Variants in NFIC observed in about 807,000 individuals in gnomAD.
The protein encoded by NFIC is nuclear factor 1 C-type.
NFIC carries 12 observed loss-of-function variants against 54.4 expected under a neutral mutation model. The observed-to-expected ratio is 0.22, with a 90% CI of 0.14 to 0.36. NFIC has a LOEUF of 0.36. Among genes scored for constraint, NFIC ranks in the 10% least tolerant of loss-of-function variants. The pLI is 1.00. For missense variants in NFIC, 575 were observed against 718.2 expected, an observed-to-expected ratio of 0.80 and a Z score of 2.28; for synonymous variants, 322 against 319.2, an observed-to-expected ratio of 1.01 and a Z score of -0.09.
chr19:3,454,015 C>T, intron 9 of NFIC, 99 bp downstream of exon 9: 7 of 1,399,078 alleles, frequency 5.0e-6, no homozygotes, highest in Non-Finnish European at 6.5e-6. Flanking sequence ...AGGCCCGACC[C>T]TGCAGGGCCT....
intron 3 of NFIC, among the ~76,000 whole-genome samples, chr19:3,428,112 G>A (rs2082056350): frequency 6.6e-6 from 1 of 151,170 alleles, no homozygotes. Context: ...AGAGGTTGCA[G>A]TGAGCTGAGA....
Position 3,382,241 on chromosome 19 carries a change from G to T in NFIC, c.560G>T (p.Arg187Leu), listed in dbSNP as rs201011953. The T allele has an allele frequency of 5.0e-6, 8 of 1,599,682 alleles. No individual in the cohort carries two copies. In the South Asian group the frequency reaches 6.6e-5, roughly 13 times the overall value. ...TACCTGGCCTACTTCGTGCGTGAGC[G>T]AGGTGAGGTGTGGTGGCCTGAGCGG... ...DLYLAYFVRERDAEQSGSPRT... is the reference protein window; with the variant it reads ...DLYLAYFVRELDAEQSGSPRT... The change falls in exon 2 of 11, where the codon CGA becomes CTA. Residue 187 changes from arginine to leucine, a missense_variant and splice_region_variant. Around this residue, in one of 3 missense-constraint regions of NFIC, gnomAD observed 447 missense variants for 526.9 expected, o/e 0.85. Coordinates refer to ENST00000443272, the MANE Select transcript of NFIC (RefSeq NM_001245002.2).
chr19:3,360,473 TCGTGCG>T (rs2080796432), intron 1 of NFIC, among the ~76,000 whole-genome samples: 1 of 151,448 alleles, frequency 6.6e-6, no homozygotes, highest in South Asian at 2.1e-4. Flanking sequence ...GGCGTCGGTG[TCGTGCG>T]CACCTCGAGG....
At chr19:3,416,195 C>A (rs919624769) in intron 2 of NFIC, among the ~76,000 whole-genome samples, 1 of 150,786 alleles carries the variant, frequency 6.6e-6, no homozygotes, top group South Asian at 2.1e-4. Context: ...CCATGATTGC[C>A]CCCCCATAAA....
intron 2 of NFIC, among the ~76,000 whole-genome samples, chr19:3,416,607 C>T (rs970644971): frequency 2.0e-5 from 3 of 151,386 alleles, no homozygotes; most frequent in East Asian, 1.9e-4. Context: ...CTGCAACCTC[C>T]GCCTCCCGGG....
chr19:3,467,753 C>CTATACATA lies in NFIC; in HGVS notation c.*4989_*4996dup, dbSNP rs1333333650. The CTATACATA allele has an allele frequency of 3.5e-4, 11 of 31,778 alleles. No individual in the cohort carries two copies. The highest frequency in any genetic ancestry group is 2.7e-3 in the East Asian group (2 of 728). The allele number at this position is 31,778 out of a possible 1,614,324, so 2.0% of individuals were successfully genotyped here. A position where few individuals can be genotyped will look rare whatever the true frequency, so the allele number is the denominator to read the frequency against. The stretch of plus-strand genomic sequence containing the variant: ...CTTTGACCTCCAGTGTAGGGCTATA[C>CTATACATA]TATACATATATATATATATATATAT... On this transcript the variant is annotated 3_prime_UTR_variant, in exon 11 of 11. Coordinates refer to ENST00000443272, the MANE Select transcript of NFIC (RefSeq NM_001245002.2).
At chr19:3,426,307 G>A (rs1174557565) in intron 3 of NFIC, among the ~76,000 whole-genome samples, 2 of 151,950 alleles carry the variant, frequency 1.3e-5, no homozygotes, top group Non-Finnish European at 2.9e-5. Context: ...TCAAACTCCT[G>A]AGCTCAAGTG....
intron 5 of NFIC, 173 bp from the exon 6 acceptor site, chr19:3,434,908 GTT>G: frequency 1.2e-6 from 1 of 833,620 alleles, no homozygotes; most frequent in South Asian, 1.8e-5. Flanking sequence ...CAATGGACAG[GTT>G]GGAACAGGCG....
chr19:3,371,593 T>C (rs1599558140), intron 1 of NFIC: 1 of 152,150 alleles, frequency 6.6e-6, no homozygotes, highest in African/African-American at 2.4e-5. Context: ...AAAAACATAA[T>C]GGCACTTTCC....
chr19:3,432,667 GCT>G (rs1328790880), intron 3 of NFIC, among the ~76,000 whole-genome samples: 20 of 139,858 alleles, frequency 1.4e-4, no homozygotes, highest in African/African-American at 2.5e-4. Context: ...TCCGCTTTCC[GCT>G]CTTTTTTTTT....
chr19:3,378,153 C>T (rs112786565), intron 1 of NFIC, among the ~76,000 whole-genome samples: 8,694 of 150,220 alleles, frequency 0.058, 401 homozygotes, highest in East Asian at 0.22. Flanking sequence ...CCCAGCTACT[C>T]GGGAGGCTGA....
At chr19:3,371,903 C>CTTT (rs2081019103) in intron 1 of NFIC, among the ~76,000 whole-genome samples, 1 of 123,442 alleles carries the variant, frequency 8.1e-6, no homozygotes, top group African/African-American at 3.1e-5. Context: ...TTCCTTCCTT[C>CTTT]CTTCCTTCCT....
intron 10 of NFIC, among the ~76,000 whole-genome samples, chr19:3,460,135 C>T (rs2082618493): frequency 6.6e-6 from 1 of 152,240 alleles, no homozygotes; most frequent in Non-Finnish European, 1.5e-5. Context: ...CGGTCTCCCG[C>T]CTCTGGGAGG....
At chr19:3,392,979 C>T (rs533077639) in intron 2 of NFIC, among the ~76,000 whole-genome samples, 2 of 152,238 alleles carry the variant, frequency 1.3e-5, no homozygotes, top group African/African-American at 2.4e-5. Flanking sequence ...TTTGCCCTGT[C>T]GCCCAGGCTG....
intron 2 of NFIC, among the ~76,000 whole-genome samples, chr19:3,421,072 G>T (rs1441946262): frequency 6.6e-6 from 1 of 152,202 alleles, no homozygotes; most frequent in Admixed American, 6.5e-5. Flanking sequence ...TTCCAAGAGG[G>T]GGTGCTATAG....
rs537324750 is a variant in NFIC at position 3,366,604 on chromosome 19, C to T, written c.-33C>T. The T allele has an allele frequency of 1.1e-5, 16 of 1,453,112 alleles. No homozygotes were observed. In the South Asian group the frequency reaches 2.1e-4, roughly 19 times the overall value. The allele number at this position is 1,453,112 out of a possible 1,614,324, so 90.0% of individuals were successfully genotyped here. A position where few individuals can be genotyped will look rare whatever the true frequency, so the allele number is the denominator to read the frequency against. On this transcript the variant is annotated 5_prime_UTR_variant, in exon 1 of 11. Coordinates refer to ENST00000443272, the MANE Select transcript of NFIC (RefSeq NM_001245002.2). The stretch of plus-strand genomic sequence containing the variant: ...ACTCAGTAAGTTCAGCGCGCCCGCT[C>T]CGGCCGGCCCTGCGCCTCCCGCCGC...
Position 3,463,629 on chromosome 19 carries a change from C to T in NFIC, c.*860C>T, listed in dbSNP as rs2082674248. On this transcript the variant is annotated 3_prime_UTR_variant, in exon 11 of 11. Transcript: ENST00000443272. ...TATGCAATTGGCCCCGGCCCCTCCACCCCCCACCCCCGGCATAGGAGGCCC... is the reference window on the plus strand; with the variant it reads ...TATGCAATTGGCCCCGGCCCCTCCATCCCCCACCCCCGGCATAGGAGGCCC... 6 of 978,162 alleles carry T rather than the reference C, an allele frequency of 6.1e-6. No individual in the cohort carries two copies. The highest frequency in any genetic ancestry group is 1.2e-4 in the East Asian group (1 of 8,620). The allele number at this position is 978,162 out of a possible 1,614,324, so 60.6% of individuals were successfully genotyped here. A position where few individuals can be genotyped will look rare whatever the true frequency, so the allele number is the denominator to read the frequency against.
Position 3,376,760 on chromosome 19 carries a change from CT to C in NFIC, c.31-4951del, listed in dbSNP as rs1486506657. On this transcript the variant is annotated intron_variant, in intron 1 of 10. Coordinates refer to ENST00000443272, the MANE Select transcript of NFIC (RefSeq NM_001245002.2). ...TTATTTATTTTGAGACGGAGTCTCG[CT>C]CTTGTTGCCCAGGCTGGAGTGCAAT... is the stretch of plus-strand genomic sequence containing the variant. Among the ~76,000 whole-genome samples, 24 of 152,156 alleles carry C rather than the reference CT, an allele frequency of 1.6e-4. No individual in the cohort carries two copies. The South Asian group carries it at 2.9e-3, about 18-fold the overall frequency.
Position 3,463,679 on chromosome 19 carries a change from C to A in NFIC, c.*910C>A. 2 of 984,464 alleles carry A rather than the reference C, an allele frequency of 2.0e-6. No homozygotes were observed. The highest frequency in any genetic ancestry group is 2.4e-6 in the Non-Finnish European group (2 of 829,508). The allele number at this position is 984,464 out of a possible 1,614,324, so 61.0% of individuals were successfully genotyped here. ...CCCCCACCTCGCCCGGCTCACACCC[C>A]CAAAGGGAGGGACCCACATTGCACA... On this transcript the variant is annotated 3_prime_UTR_variant, in exon 11 of 11. Coordinates refer to ENST00000443272, the MANE Select transcript of NFIC (RefSeq NM_001245002.2).
Sources: gnomAD v4.1 joint callset for allele counts (sites outside exome capture counted in the v4.1 genomes callset) on GRCh38, gnomAD v4.1.1 for gene constraint, gnomAD v4.1.1 regional missense constraint, MANE v1.5 for transcripts, NCBI Gene and HGNC (gene_info 2026-07-23, HGNC 2026-07-21) for gene names.